PITPNM3: variants seen among roughly 807,000 people sequenced by gnomAD.
PITPNM3 encodes PITPNM family member 3.
PITPNM3 carries 26 observed loss-of-function variants against 102.0 expected under a neutral mutation model. That is an observed-to-expected ratio of 0.25 (90% CI 0.19 to 0.35). The LOEUF is 0.35. Among genes scored for constraint, PITPNM3 ranks in the 10% least tolerant of loss-of-function variants. The pLI is 1.00. For missense variants in PITPNM3, 1,083 were observed against 1,346.1 expected, an observed-to-expected ratio of 0.80 and a Z score of 3.06; for synonymous variants, 578 against 558.6, an observed-to-expected ratio of 1.03 and a Z score of -0.49.
Position 6,469,221 on chromosome 17 carries a change from T to G in PITPNM3, c.1774-880A>C, listed in dbSNP as rs73350118. On this transcript the variant is annotated intron_variant, in intron 13 of 19. Coordinates refer to ENST00000262483, the MANE Select transcript of PITPNM3 (RefSeq NM_031220.4). This position sits in a 1 kb window ranked among gnomAD's most constrained non-coding sequence, Gnocchi z 4.0. ...CTCTGATGACACCCACATTTTTATCTGGAATCCTGATGTCTTCTCTAAGTT... is the reference window on the plus strand; with the variant it reads ...CTCTGATGACACCCACATTTTTATCGGGAATCCTGATGTCTTCTCTAAGTT... 6.6e-6 allele frequency among the ~76,000 whole-genome samples: 1 copy of G among 152,160 alleles called. No individual in the cohort carries two copies. The highest frequency in any genetic ancestry group is 1.5e-5 in the Non-Finnish European group (1 of 68,032).
intron 19 of PITPNM3, among the ~76,000 whole-genome samples, chr17:6,455,972 C>G (rs1914099023): frequency 6.6e-6 from 1 of 151,770 alleles, no homozygotes; most frequent in African/African-American, 2.4e-5. Context: ...TCTACCTGTA[C>G]CCATGGGTCA....
Position 6,555,987 on chromosome 17 carries a change from G to T in PITPNM3, c.22+398C>A, listed in dbSNP as rs368743265. On this transcript the variant is annotated intron_variant, in intron 1 of 19. Coordinates refer to ENST00000262483, the MANE Select transcript of PITPNM3 (RefSeq NM_031220.4). Reference sequence around the variant, plus strand: ...TGGATGGAGAGAGCTGCAGGAGCAGGGGGCGCGTCCCGGTTTGCGTTGGGG... The same window carrying T: ...TGGATGGAGAGAGCTGCAGGAGCAGTGGGCGCGTCCCGGTTTGCGTTGGGG... 3.2e-3 allele frequency among the ~76,000 whole-genome samples: 481 copies of T among 152,294 alleles called. 4 individuals are homozygous for T. Among genetic ancestry groups the T allele is most frequent in the African/African-American group, 0.011 (460 of 41,572 alleles).
rs766398047 is a variant in PITPNM3, at chr17:6,474,525, G to A, written c.1165C>T (p.Arg389Cys). Residue 389 changes from arginine to cysteine, a missense_variant, in exon 10 of 20, where the codon CGC becomes TGC. Around this residue, in one of 5 missense-constraint regions of PITPNM3, gnomAD observed 172 missense variants for 175.6 expected, o/e 0.98. Transcript: ENST00000262483. ...GPQLPEVSLGRFDFDVSDFFL... is the reference protein window; with the variant it reads ...GPQLPEVSLGCFDFDVSDFFL... ...AAGTCGGACACATCGAAGTCAAAGC[G>A]GCCCAGGCTGACCTCAGGGAGCTGC... 6.2e-6 allele frequency: 10 copies of A among 1,611,790 alleles called. No individual in the cohort carries two copies. Among genetic ancestry groups the A allele is most frequent in the Middle Eastern group, 1.6e-4 (1 of 6,082 alleles).
chr17:6,549,193 C>T (rs1910181567), intron 1 of PITPNM3, among the ~76,000 whole-genome samples: 1 of 152,146 alleles, frequency 6.6e-6, no homozygotes, highest in Admixed American at 6.5e-5. Context: ...GCAGATGCAA[C>T]CCCCCGCAGC....
At chr17:6,487,377 G>A (rs1488459139) in intron 4 of PITPNM3, among the ~76,000 whole-genome samples, 13 of 152,144 alleles carry the variant, frequency 8.5e-5, no homozygotes, top group Admixed American at 7.2e-4. Flanking sequence ...ACATGGGTTA[G>A]CGGCTATTGT....
intron 2 of PITPNM3, among the ~76,000 whole-genome samples, chr17:6,531,731 G>GTAATGA (rs1909157000): frequency 6.6e-6 from 1 of 152,174 alleles, no homozygotes; most frequent in Non-Finnish European, 1.5e-5. Context: ...CTCTCTCCTT[G>GTAATGA]CTGGGGCTGT....
rs371231215 is a variant in PITPNM3, at chr17:6,457,094, G to A, written c.2619+500C>T. Among the ~76,000 whole-genome samples the A allele has an allele frequency of 6.7e-6, 1 of 150,342 alleles. No homozygotes were observed. Among genetic ancestry groups the A allele is most frequent in the South Asian group, 2.1e-4 (1 of 4,722 alleles). ...CCCGCCCCCCCACCTCCCAGCTCACGTCCCATGCAGCCAAGCTGAGTCACT... is the reference window on the plus strand; with the variant it reads ...CCCGCCCCCCCACCTCCCAGCTCACATCCCATGCAGCCAAGCTGAGTCACT... On this transcript the variant is annotated intron_variant, in intron 19 of 19. Coordinates refer to ENST00000262483, the MANE Select transcript of PITPNM3 (RefSeq NM_031220.4). The surrounding 1 kb of genome is among the most constrained non-coding windows in gnomAD (Gnocchi z 4.7).
At chr17:6,463,945 G>A (rs1904629855) in intron 16 of PITPNM3, 64 bp from the exon 17 acceptor site, 8 of 1,599,914 alleles carry the variant, frequency 5.0e-6, no homozygotes, top group Non-Finnish European at 6.8e-6. Context: ...GAATCCAGAG[G>A]TCAGCCTGTA....
rs1381277645 is a variant in PITPNM3 at position 6,458,341 on chromosome 17, C to A, written c.2491-619G>T. 6.6e-6 allele frequency among the ~76,000 whole-genome samples: 1 copy of A among 152,088 alleles called. No homozygotes were observed. Among genetic ancestry groups the A allele is most frequent in the Non-Finnish European group, 1.5e-5 (1 of 68,008 alleles). On this transcript the variant is annotated intron_variant, in intron 18 of 19. Coordinates refer to ENST00000262483, the MANE Select transcript of PITPNM3 (RefSeq NM_031220.4). This position sits in a 1 kb window ranked among gnomAD's most constrained non-coding sequence, Gnocchi z 5.1. ...CACCCAGCTGCCCCTCACTGTGTGC[C>A]TCCTGTCACTGTCATCTTCTTTTTC...
intron 15 of PITPNM3, 146 bp downstream of exon 15, chr17:6,464,509 C>T: frequency 9.3e-7 from 1 of 1,072,146 alleles, no homozygotes; most frequent in Non-Finnish European, 1.4e-6. Flanking sequence ...TCCCGGCCCG[C>T]CCAAGCAGGT....
rs1403010687 is a variant in PITPNM3, at chr17:6,485,568, C to T, written c.275-1276G>A. Among the ~76,000 whole-genome samples, 6 of 152,096 alleles carry T rather than the reference C, an allele frequency of 3.9e-5. No homozygotes were observed. In the East Asian group the frequency reaches 9.6e-4, roughly 24 times the overall value. ...AAAAAAAATATCTGTTTGAAGTTAA[C>T]AGAGAAATAATAGAGGCTTGAATTA... On this transcript the variant is annotated intron_variant, in intron 4 of 19. Coordinates refer to ENST00000262483, the MANE Select transcript of PITPNM3 (RefSeq NM_031220.4).
Position 6,525,351 on chromosome 17 carries a change from C to T in PITPNM3, c.226+5G>A. ...ATCCTGGTCATGAGAGAAGCAGAGT[C>T]TCACCTTGATGCTCGTCCAGTTTCC... On this transcript the variant is annotated splice_donor_5th_base_variant and intron_variant, in intron 3 of 19. Coordinates refer to ENST00000262483, the MANE Select transcript of PITPNM3 (RefSeq NM_031220.4). 1 of 1,613,668 alleles carries T rather than the reference C, an allele frequency of 6.2e-7. No homozygotes were observed. The highest frequency in any genetic ancestry group is 8.5e-7 in the Non-Finnish European group (1 of 1,179,558).
At chr17:6,467,396 G>A (rs1361613318) in intron 14 of PITPNM3, among the ~76,000 whole-genome samples, 1 of 152,206 alleles carries the variant, frequency 6.6e-6, no homozygotes, top group African/African-American at 2.4e-5. Context: ...TCTTTTTGGA[G>A]GTTATGAAAA....
chr17:6,522,820 T>C (rs1908612875), intron 3 of PITPNM3, among the ~76,000 whole-genome samples: 1 of 152,182 alleles, frequency 6.6e-6, no homozygotes, highest in African/African-American at 2.4e-5. Context: ...CCAGCCTGCC[T>C]TACTGCATAG....
At chr17:6,491,949 A>C (rs1209910856) in intron 4 of PITPNM3, among the ~76,000 whole-genome samples, 1 of 149,888 alleles carries the variant, frequency 6.7e-6, no homozygotes, top group African/African-American at 2.5e-5. Context: ...TTTACTTTCT[A>C]CTTTCATCTA....
At chr17:6,497,699 G>A (rs576408742) in intron 4 of PITPNM3, among the ~76,000 whole-genome samples, 10 of 152,300 alleles carry the variant, frequency 6.6e-5, no homozygotes, top group African/African-American at 1.9e-4. Flanking sequence ...GATGCCAGGC[G>A]CTGGCTCTGG....
In PITPNM3 at chr17:6,452,382, A is replaced by C. The variant is rs897402212; in HGVS notation, c.*2956T>G. On this transcript the variant is annotated 3_prime_UTR_variant, in exon 20 of 20. Transcript: ENST00000262483. ...CGACAGCCACCGGATCGGGAAGAACAAACATGCCACGCAAGAAACAAGGAG... is the reference window on the plus strand; with the variant it reads ...CGACAGCCACCGGATCGGGAAGAACCAACATGCCACGCAAGAAACAAGGAG... 6.6e-6 allele frequency: 1 copy of C among 152,206 alleles called. No homozygotes were observed. The highest frequency in any genetic ancestry group is 1.5e-5 in the Non-Finnish European group (1 of 68,048). 9.4% of individuals were successfully genotyped at this position (152,206 alleles called of 1,614,324 possible).
At position 6,455,361 on chromosome 17, in the gene PITPNM3, G is replaced by A; in HGVS notation, c.2902C>T (p.Pro968Ser). 6.3e-7 allele frequency: 1 copy of A among 1,583,916 alleles called. No individual in the cohort carries two copies. Among genetic ancestry groups the A allele is most frequent in the East Asian group, 2.3e-5 (1 of 44,384 alleles). ...CCTCAGGGCACCGACTCGAACTTGGGGGGCCCACGCGCCCAGCTGAGCGCC... is the reference window on the plus strand; with the variant it reads ...CCTCAGGGCACCGACTCGAACTTGGAGGGCCCACGCGCCCAGCTGAGCGCC... ...LPALSWARGP[P>S]KFESVP Residue 968 changes from proline (P) to serine (S), a missense_variant, in exon 20 of 20, where the codon CCC becomes TCC. By Grantham distance (74) the Pro-to-Ser change is moderately conservative. Transcript: ENST00000262483.
chr17:6,532,585 C>T (rs1357665342), intron 2 of PITPNM3, among the ~76,000 whole-genome samples: 5 of 152,088 alleles, frequency 3.3e-5, no homozygotes, highest in Admixed American at 3.3e-4. Context: ...TAGAATCATA[C>T]AGGATGTACT....
Sources: gnomAD v4.1 joint callset for allele counts (sites outside exome capture counted in the v4.1 genomes callset) on GRCh38, gnomAD v4.1.1 for gene constraint, gnomAD v4.1.1 regional missense constraint, Gnocchi (gnomAD v3.1) non-coding constraint, MANE v1.5 for transcripts, NCBI Gene and HGNC (gene_info 2026-07-23, HGNC 2026-07-21) for gene names.